The following CRADD variants were observed in gnomAD, a reference collection of about 807,000 sequenced individuals.
CRADD encodes CARD and death domain containing adaptor protein, also known as death domain-containing protein CRADD.
CRADD carries 9 observed loss-of-function variants against 15.5 expected under a neutral mutation model. That is an observed-to-expected ratio of 0.58 (90% CI 0.35 to 1.01). The LOEUF (loss-of-function observed/expected upper bound fraction) is 1.01. CRADD is among the 50% of genes least tolerant of loss of function. The probability of loss-of-function intolerance (pLI) is 0.02; values close to 1 mark genes in which losing one functional copy is unlikely to be tolerated. For synonymous variants in CRADD, 118 were observed against 107.6 expected (o/e 1.10, Z -0.60); for missense variants, 227 against 250.3 (o/e 0.91, Z 0.63).
chr12:93,684,151 G>T lies in CRADD; in HGVS notation c.298+5079G>T, dbSNP rs77431226. Among the ~76,000 whole-genome samples, 1,406 of 152,224 alleles carry T rather than the reference G, an allele frequency of 9.2e-3. 16 individuals carry two copies. The highest frequency in any genetic ancestry group is 0.032 in the African/African-American group (1,347 of 41,540). On this transcript the variant is annotated intron_variant, in intron 2 of 2. Transcript: ENST00000332896. ...ATGGAGGATCTCCAGATCAGTTGAGGGCATTCATGCGTTCATCCAGCAAAT... is the reference window on the plus strand; with the variant it reads ...ATGGAGGATCTCCAGATCAGTTGAGTGCATTCATGCGTTCATCCAGCAAAT...
intron 2 of CRADD, among the ~76,000 whole-genome samples, chr12:93,713,236 C>T (rs1333197826): frequency 1.3e-5 from 2 of 152,016 alleles, no homozygotes; most frequent in African/African-American, 4.8e-5. Flanking sequence ...GATATTTTGC[C>T]AGTTTATCTT....
In CRADD at chr12:93,761,545, C is replaced by T. The variant is rs562786077; in HGVS notation, c.298+82473C>T. Among the ~76,000 whole-genome samples the T allele has an allele frequency of 5.9e-5, 9 of 152,160 alleles. No individual in the cohort carries two copies. The East Asian group carries it at 1.2e-3, about 20-fold the overall frequency. On this transcript the variant is annotated intron_variant, in intron 2 of 2. Coordinates refer to ENST00000332896, the MANE Select transcript of CRADD (RefSeq NM_003805.5). ...TGGCCATTTATAGAATTAGGGACGA[C>T]GAAAGGAAGGTGGTACAGGTGGGAG...
chr12:93,714,727 CA>C (rs1467148457), intron 2 of CRADD: 2 of 152,184 alleles, frequency 1.3e-5, no homozygotes, highest in African/African-American at 4.8e-5. Flanking sequence ...CTGGAAGAGG[CA>C]CGGAAGTTGC....
At chr12:93,712,556 T>C (rs1300284233) in intron 2 of CRADD, among the ~76,000 whole-genome samples, 1 of 152,198 alleles carries the variant, frequency 6.6e-6, no homozygotes, top group Non-Finnish European at 1.5e-5. Flanking sequence ...TGTAAAAGAT[T>C]GTTTAGTTGT....
At chr12:93,681,673 T>C (rs1955305413) in intron 2 of CRADD, among the ~76,000 whole-genome samples, 1 of 152,178 alleles carries the variant, frequency 6.6e-6, no homozygotes, top group Non-Finnish European at 1.5e-5. Flanking sequence ...AAAATAATAT[T>C]ACGATTGCCT....
intron 2 of CRADD, among the ~76,000 whole-genome samples, chr12:93,679,584 A>G (rs574877487): frequency 6.6e-6 from 1 of 152,226 alleles, no homozygotes; most frequent in Non-Finnish European, 1.5e-5. Flanking sequence ...AGTGCAGGGA[A>G]GGAAGAATGA....
intron 2 of CRADD, among the ~76,000 whole-genome samples, chr12:93,803,194 A>G (rs1361652147): frequency 4.6e-5 from 7 of 152,168 alleles, no homozygotes; most frequent in Admixed American, 6.5e-5. Context: ...TCTGCCTTGC[A>G]GTTAAGGGAA....
chr12:93,786,588 C>G (rs1433291648), intron 2 of CRADD, among the ~76,000 whole-genome samples: 3 of 152,074 alleles, frequency 2.0e-5, no homozygotes, highest in Non-Finnish European at 4.4e-5. Flanking sequence ...TCTGAAATCC[C>G]TTCAATTTAC....
At chr12:93,852,836 A>AGTGTGTGTGT (rs58175344), downstream of CRADD, among the ~76,000 whole-genome samples, 23 of 149,590 alleles carry the variant, frequency 1.5e-4, no homozygotes, top group East Asian at 1.2e-3. Flanking sequence ...GTTGGGTTGG[A>AGTGTGTGTGT]GTGTGTGTGT....
chr12:93,788,980 C>A (rs1324962003), intron 2 of CRADD, among the ~76,000 whole-genome samples: 1 of 152,108 alleles, frequency 6.6e-6, no homozygotes, highest in Non-Finnish European at 1.5e-5. Flanking sequence ...GCACTGTGTT[C>A]TACAGTTCTT....
intron 2 of CRADD, chr12:93,708,190 A>G (rs980041906): frequency 6.6e-6 from 1 of 152,236 alleles, no homozygotes; most frequent in African/African-American, 2.4e-5. Flanking sequence ...CCGTTGAGAC[A>G]TAGTTGAGGA....
At chr12:93,751,618 A>G (rs1956829434) in intron 2 of CRADD, among the ~76,000 whole-genome samples, 9 of 152,146 alleles carry the variant, frequency 5.9e-5, no homozygotes, top group Admixed American at 5.9e-4. Flanking sequence ...TAATCCCAGC[A>G]CTTTGGAAGG....
intron 2 of CRADD, among the ~76,000 whole-genome samples, chr12:93,787,513 T>C (rs1483149154): frequency 1.3e-5 from 2 of 152,132 alleles, no homozygotes. Context: ...CTTAACCTCT[T>C]AGCAAACTCA....
chr12:93,712,004 C>T (rs1956082583), intron 2 of CRADD, among the ~76,000 whole-genome samples: 1 of 152,160 alleles, frequency 6.6e-6, no homozygotes, highest in Non-Finnish European at 1.5e-5. Context: ...GATCTGCCCA[C>T]CTCGGTCTCC....
At chr12:93,753,839 C>T (rs766745240) in intron 2 of CRADD, among the ~76,000 whole-genome samples, 18 of 152,304 alleles carry the variant, frequency 1.2e-4, no homozygotes, top group Admixed American at 2.6e-4. Flanking sequence ...TATGGCTTTT[C>T]CAGGTGCATG....
At chr12:93,854,137 A>G (rs114460182), downstream of CRADD, among the ~76,000 whole-genome samples, 1,498 of 152,184 alleles carry the variant, frequency 9.8e-3, 23 homozygotes, top group African/African-American at 0.034. Flanking sequence ...TTAGCCCACA[A>G]TTCTGTGAGC....
chr12:93,863,831 T>A (rs949654259), intron 2 of CRADD, among the ~76,000 whole-genome samples: 15 of 152,174 alleles, frequency 9.9e-5, no homozygotes, highest in Non-Finnish European at 8.8e-5. Context: ...AAGCACCACC[T>A]ATGCCATTAT....
intron 2 of CRADD, among the ~76,000 whole-genome samples, chr12:93,764,711 G>A (rs903173): frequency 0.57 from 85,645 of 151,140 alleles, 25,212 homozygotes; most frequent in East Asian, 0.89. Flanking sequence ...ACGCTTTGTG[G>A]TATTTAGTAA....
Position 93,754,045 on chromosome 12 carries a change from T to C in CRADD, c.298+74973T>C, listed in dbSNP as rs373685754. Reference sequence around the variant, plus strand: ...TACCTCTGCCTGGACATCCAGGCATTGCCATACATTCTCTGAAATCTAAGT... The same window carrying C: ...TACCTCTGCCTGGACATCCAGGCATCGCCATACATTCTCTGAAATCTAAGT... On this transcript the variant is annotated intron_variant, in intron 2 of 2. Coordinates refer to ENST00000332896, the MANE Select transcript of CRADD (RefSeq NM_003805.5). Among the ~76,000 whole-genome samples, 149 of 152,372 alleles carry C rather than the reference T, an allele frequency of 9.8e-4. 1 individual carries two copies. The South Asian group carries it at 0.031, about 31-fold the overall frequency.
Sources: gnomAD v4.1 joint callset for allele counts (sites outside exome capture counted in the v4.1 genomes callset) on GRCh38, gnomAD v4.1.1 for gene constraint, MANE v1.5 for transcripts, NCBI Gene and HGNC (gene_info 2026-07-23, HGNC 2026-07-21) for gene names.